The following PCDHGB2 variants were observed in gnomAD, a reference collection of about 807,000 sequenced individuals.
PCDHGB2 encodes protocadherin gamma-B2.
PCDHGB2 carries 55 observed loss-of-function variants against 59.3 expected under a neutral mutation model. The observed-to-expected ratio is 0.93, with a 90% CI of 0.75 to 1.16. The LOEUF is 1.16. Among genes scored for constraint, PCDHGB2 ranks in the 50% most tolerant of loss-of-function variants. The pLI is 0.00. For missense variants in PCDHGB2, 1,228 were observed against 1,198.5 expected, an observed-to-expected ratio of 1.02 and a Z score of -0.36; for synonymous variants, 516 against 512.0, an observed-to-expected ratio of 1.01 and a Z score of -0.11.
At position 141,486,370 on chromosome 5, in the gene PCDHGB2, T is replaced by C. The variant is rs755925357; in HGVS notation, c.2422-8437T>C. Reference sequence around the variant, plus strand: ...ACCACTTGCCATTTGCCCTCAAGTCTGCCTTCAGGAACCAGTTCTCCCTGG... The same window carrying C: ...ACCACTTGCCATTTGCCCTCAAGTCCGCCTTCAGGAACCAGTTCTCCCTGG... On this transcript the variant is annotated intron_variant, in intron 1 of 3. Coordinates refer to ENST00000522605, the MANE Select transcript of PCDHGB2 (RefSeq NM_018923.3). The surrounding 1 kb of genome is among the most constrained non-coding windows in gnomAD (Gnocchi z 5.0). 8 of 1,613,988 alleles carry C rather than the reference T, an allele frequency of 5.0e-6. No individual in the cohort carries two copies. The Admixed American group carries it at 1.3e-4, about 27-fold the overall frequency.
rs199514730 is a variant in PCDHGB2 at position 141,374,139 on chromosome 5, T to C, written c.2421+11583T>C. 615 of 1,609,262 alleles carry C rather than the reference T, an allele frequency of 3.8e-4. No individual in the cohort carries two copies. Among genetic ancestry groups the C allele is most frequent in the Non-Finnish European group, 4.6e-4 (547 of 1,177,006 alleles). ...AGCGAGCAGGTCCTGCTCCTCACGC[T>C]CCTGGGGACGCTGTGGGGGGCCGCG... On this transcript the variant is annotated intron_variant, in intron 1 of 3. Transcript: ENST00000522605.
intron 1 of PCDHGB2, chr5:141,383,125 G>T: frequency 6.2e-7 from 1 of 1,614,062 alleles, no homozygotes. Context: ...GCAGCTTTTC[G>T]CCCTGAACCA....
chr5:141,403,945 A>G (rs745421734), intron 1 of PCDHGB2: 48 of 1,613,810 alleles, frequency 3.0e-5, no homozygotes, highest in Non-Finnish European at 3.9e-5. Context: ...AAGGGTGGAC[A>G]AAAGTGCTCA....
In PCDHGB2 at chr5:141,375,962, C is replaced by A. The variant is rs763635174; in HGVS notation, c.2421+13406C>A. 4 of 1,613,344 alleles carry A rather than the reference C, an allele frequency of 2.5e-6. No homozygotes were observed. The South Asian group carries it at 3.3e-5, about 13-fold the overall frequency. On this transcript the variant is annotated intron_variant, in intron 1 of 3. Coordinates refer to ENST00000522605, the MANE Select transcript of PCDHGB2 (RefSeq NM_018923.3). Reference sequence around the variant, plus strand: ...AGTGGGCCTGCACACGGGCGAGGTGCGCACGGCGCGCGCCCTGCTGGACAG... The same window carrying A: ...AGTGGGCCTGCACACGGGCGAGGTGAGCACGGCGCGCGCCCTGCTGGACAG...
intron 1 of PCDHGB2, chr5:141,430,944 G>T: frequency 1.2e-6 from 2 of 1,609,214 alleles, no homozygotes; most frequent in Non-Finnish European, 1.7e-6. Flanking sequence ...CTCGCGGAGC[G>T]CGGAGTCCGC....
chr5:141,419,393 G>T (rs1226844501), intron 1 of PCDHGB2: 2 of 1,613,620 alleles, frequency 1.2e-6, no homozygotes, highest in Non-Finnish European at 1.7e-6. Context: ...CGCGCAGAGC[G>T]GGGTGGTGTT....
At chr5:141,413,128 CA>C in intron 1 of PCDHGB2, 1 of 1,534,686 alleles carries the variant, frequency 6.5e-7, no homozygotes, top group Non-Finnish European at 8.8e-7. Flanking sequence ...GGTTGAAACA[CA>C]CAACGTGTCC....
rs200045647 is a variant in PCDHGB2, at chr5:141,490,150, G to A, written c.2422-4657G>A. 50 of 1,614,246 alleles carry A rather than the reference G, an allele frequency of 3.1e-5. No individual in the cohort carries two copies. The Admixed American group carries it at 7.7e-4, about 25-fold the overall frequency. On this transcript the variant is annotated intron_variant, in intron 1 of 3. Transcript: ENST00000522605. The surrounding 1 kb of genome is among the most constrained non-coding windows in gnomAD (Gnocchi z 5.4). ...AGACCCTAGCAGTGGGGCAATCCAT[G>A]TGTTGGGTCCCATAGACTTTGAGGA...
At chr5:141,407,547 T>C (rs895082728) in intron 1 of PCDHGB2, among the ~76,000 whole-genome samples, 1 of 151,860 alleles carries the variant, frequency 6.6e-6, no homozygotes, top group Non-Finnish European at 1.5e-5. Flanking sequence ...GGTAACAGAT[T>C]GTAGAACATA....
At chr5:141,372,684 G>A (rs199934753) in intron 1 of PCDHGB2, 524 of 1,613,850 alleles carry the variant, frequency 3.2e-4, no homozygotes, top group Non-Finnish European at 4.1e-4. Flanking sequence ...CTCAAACACC[G>A]AGTTTAAATT....
chr5:141,442,898 TCTC>T (rs1427810429), intron 1 of PCDHGB2, among the ~76,000 whole-genome samples: 14 of 152,222 alleles, frequency 9.2e-5, no homozygotes, highest in Admixed American at 9.2e-4. Context: ...GCTTATCACT[TCTC>T]CTTCAGCACA....
Position 141,385,046 on chromosome 5 carries a change from T to C in PCDHGB2, c.2421+22490T>C, listed in dbSNP as rs777247092. 1.9e-6 allele frequency: 3 copies of C among 1,614,038 alleles called. No homozygotes were observed. The Admixed American group carries it at 5.0e-5, about 27-fold the overall frequency. Reference sequence around the variant, plus strand: ...GTCCTCGTACTGCTGGCGCTCAGGCTGCGGCGCTGGCACAAGTCACGCCTG... The same window carrying C: ...GTCCTCGTACTGCTGGCGCTCAGGCCGCGGCGCTGGCACAAGTCACGCCTG... On this transcript the variant is annotated intron_variant, in intron 1 of 3. Coordinates refer to ENST00000522605, the MANE Select transcript of PCDHGB2 (RefSeq NM_018923.3).
At chr5:141,413,148 CTT>C (rs2095608671) in intron 1 of PCDHGB2, 2 of 1,570,414 alleles carry the variant, frequency 1.3e-6, no homozygotes, top group South Asian at 1.2e-5. Flanking sequence ...CCAGTGAGGA[CTT>C]TGCAGAATTC....
intron 1 of PCDHGB2, chr5:141,389,474 G>A (rs1476860129): frequency 1.2e-6 from 2 of 1,613,168 alleles, no homozygotes; most frequent in East Asian, 2.2e-5. Flanking sequence ...AACTCACACT[G>A]CAGGCCCGCG....
intron 1 of PCDHGB2, chr5:141,393,501 G>C (rs754946327): frequency 1.9e-6 from 3 of 1,614,044 alleles, no homozygotes; most frequent in Non-Finnish European, 2.5e-6. Flanking sequence ...GCGCATCCAC[G>C]TGACAGTGTT....
chr5:141,362,297 C>G lies in PCDHGB2; in HGVS notation c.2162C>G (p.Ser721Ter). Reference sequence around the variant, plus strand: ...CTGCGCCTGCGACTCTCTTCCAGGTCAGATGCTTGGGACTGTTTTCAGCCT... The same window carrying G: ...CTGCGCCTGCGACTCTCTTCCAGGTGAGATGCTTGGGACTGTTTTCAGCCT... The part of the protein sequence containing the change: ...ISLRLRLSSR[S>*]DAWDCFQPGL... The change falls in exon 1 of 4, where the codon TCA becomes TGA. Residue 721 changes from serine to a stop codon, truncating the protein, a stop_gained. Coordinates refer to ENST00000522605, the MANE Select transcript of PCDHGB2 (RefSeq NM_018923.3). LOFTEE classifies it high-confidence loss of function. The G allele has an allele frequency of 6.2e-7, 1 of 1,614,082 alleles. No homozygotes were observed. The highest frequency in any genetic ancestry group is 8.5e-7 in the Non-Finnish European group (1 of 1,179,916).
chr5:141,366,418 A>G (rs371439517), intron 1 of PCDHGB2: 439 of 1,613,988 alleles, frequency 2.7e-4, no homozygotes, highest in East Asian at 7.4e-4. Context: ...TTGTGGTGGC[A>G]GTGGCTGCAG....
In PCDHGB2 at chr5:141,490,052, A is replaced by G. The variant is rs774710472; in HGVS notation, c.2422-4755A>G. 11 of 1,614,098 alleles carry G rather than the reference A, an allele frequency of 6.8e-6. No homozygotes were observed. The highest frequency in any genetic ancestry group is 9.3e-6 in the Non-Finnish European group (11 of 1,180,014). On this transcript the variant is annotated intron_variant, in intron 1 of 3. Transcript: ENST00000522605. The surrounding 1 kb of genome is among the most constrained non-coding windows in gnomAD (Gnocchi z 5.4). ...CGCCTCAATGCCACTGATCCAGACG[A>G]GGGCACCAACGGCCAACTAGACTAT... is the stretch of plus-strand genomic sequence containing the variant.
At chr5:141,389,787 G>C (rs761543632) in intron 1 of PCDHGB2, 3 of 1,613,328 alleles carry the variant, frequency 1.9e-6, no homozygotes, top group Non-Finnish European at 2.5e-6. Context: ...CGACAGGGAC[G>C]CCGTCCGCCA....
Sources: gnomAD v4.1 joint callset for allele counts (sites outside exome capture counted in the v4.1 genomes callset) on GRCh38, gnomAD v4.1.1 for gene constraint, Gnocchi (gnomAD v3.1) non-coding constraint, MANE v1.5 for transcripts, NCBI Gene and HGNC (gene_info 2026-07-23, HGNC 2026-07-21) for gene names.